Variants in CNTN5 observed in about 807,000 individuals in gnomAD.
The protein encoded by CNTN5 is contactin 5.
A neutral mutation model predicts 129.1 loss-of-function variants in CNTN5; 77 were observed. That is an observed-to-expected ratio of 0.60 (90% CI 0.50 to 0.72). The LOEUF (loss-of-function observed/expected upper bound fraction) is 0.72, where lower values mean the gene tolerates loss of function less well. CNTN5 is among the 30% of genes least tolerant of loss of function. The probability of loss-of-function intolerance (pLI) is 0.00; values close to 1 mark genes in which losing one functional copy is unlikely to be tolerated. For synonymous variants in CNTN5, 509 were observed against 465.6 expected, an observed-to-expected ratio of 1.09 and a Z score of -1.20; for missense variants, 1,478 against 1,328.8, an observed-to-expected ratio of 1.11 and a Z score of -1.75.
At chr11:99,486,381 C>A (rs1438405429) in intron 2 of CNTN5, among the ~76,000 whole-genome samples, 2 of 152,024 alleles carry the variant, frequency 1.3e-5, no homozygotes, top group Admixed American at 1.3e-4. Context: ...TGTTTATTCC[C>A]TAAATCTTTG....
At chr11:99,310,849 G>A (rs1222509420) in intron 1 of CNTN5, among the ~76,000 whole-genome samples, 3 of 152,006 alleles carry the variant, frequency 2.0e-5, no homozygotes, top group Non-Finnish European at 2.9e-5. Flanking sequence ...TTGAATTATG[G>A]CAAATATTTT....
chr11:100,045,321 C>T (rs1418937283), intron 9 of CNTN5, among the ~76,000 whole-genome samples: 1 of 151,860 alleles, frequency 6.6e-6, no homozygotes, highest in Admixed American at 6.6e-5. Context: ...CTTTAGTCAC[C>T]ATGGTTTAAG....
At chr11:99,589,173 A>G (rs79406221) in intron 3 of CNTN5, among the ~76,000 whole-genome samples, 12,954 of 152,244 alleles carry the variant, frequency 0.085, 730 homozygotes, top group Non-Finnish European at 0.13. Context: ...TTTAAAATCA[A>G]TATCTTCTTT....
chr11:99,301,620 C>T (rs1864642224), intron 1 of CNTN5, among the ~76,000 whole-genome samples: 1 of 151,688 alleles, frequency 6.6e-6, no homozygotes, highest in African/African-American at 2.4e-5. Flanking sequence ...TGAAAGAAAA[C>T]ATAGACAATG....
chr11:99,676,250 T>G (rs924335981), intron 3 of CNTN5, among the ~76,000 whole-genome samples: 1 of 152,206 alleles, frequency 6.6e-6, no homozygotes, highest in African/African-American at 2.4e-5. Flanking sequence ...TCTTAAAGAT[T>G]TAATATATGA....
At chr11:100,300,477 C>T (rs1392291013) in intron 20 of CNTN5, among the ~76,000 whole-genome samples, 1 of 151,508 alleles carries the variant, frequency 6.6e-6, no homozygotes, top group African/African-American at 2.4e-5. Context: ...TAAATATAAA[C>T]TAACCCTTAT....
chr11:100,032,570 T>C (rs1291061911), intron 9 of CNTN5, among the ~76,000 whole-genome samples: 2 of 152,060 alleles, frequency 1.3e-5, no homozygotes, highest in African/African-American at 4.8e-5. Flanking sequence ...TGTCAATGTT[T>C]TCTGGCCAGA....
chr11:99,243,510 G>T (rs1861665777), intron 1 of CNTN5, among the ~76,000 whole-genome samples: 1 of 151,952 alleles, frequency 6.6e-6, no homozygotes, highest in South Asian at 2.1e-4. Flanking sequence ...AGTTGCTCTT[G>T]GGACTGAGCC....
At chr11:99,729,857 A>G (rs767302362) in intron 3 of CNTN5, among the ~76,000 whole-genome samples, 1 of 152,170 alleles carries the variant, frequency 6.6e-6, no homozygotes, top group Non-Finnish European at 1.5e-5. Context: ...ATGAGAACAC[A>G]TGGACACGGG....
intron 1 of CNTN5, among the ~76,000 whole-genome samples, chr11:99,251,370 A>C (rs1862095353): frequency 6.6e-6 from 1 of 151,898 alleles, no homozygotes; most frequent in Admixed American, 6.6e-5. Context: ...GTGTGTGTTG[A>C]GGGAGACAAG....
intron 3 of CNTN5, among the ~76,000 whole-genome samples, chr11:99,804,372 G>A (rs182817455): frequency 1.4e-4 from 21 of 151,866 alleles, no homozygotes; most frequent in Admixed American, 1.0e-3. Context: ...GTGATATTTA[G>A]GAATAGTGCA....
intron 2 of CNTN5, among the ~76,000 whole-genome samples, chr11:99,391,980 C>T (rs1189324531): frequency 1.3e-5 from 2 of 151,756 alleles, no homozygotes; most frequent in African/African-American, 4.8e-5. Context: ...AAGAAAATGT[C>T]ATGTAAAGTA....
At chr11:99,816,088 A>G (rs753293250) in intron 3 of CNTN5, among the ~76,000 whole-genome samples, 2 of 152,156 alleles carry the variant, frequency 1.3e-5, no homozygotes, top group African/African-American at 4.8e-5. Flanking sequence ...TTAATAGACT[A>G]TAGCTAGAGA....
intron 3 of CNTN5, among the ~76,000 whole-genome samples, chr11:99,754,486 T>C (rs1453296316): frequency 6.6e-6 from 1 of 152,214 alleles, no homozygotes; most frequent in Non-Finnish European, 1.5e-5. Context: ...AGGGTTCAAC[T>C]TGTACTCCTA....
At chr11:100,116,217 G>A (rs114415379) in intron 13 of CNTN5, among the ~76,000 whole-genome samples, 3 of 152,098 alleles carry the variant, frequency 2.0e-5, no homozygotes, top group African/African-American at 4.8e-5. Flanking sequence ...TGACTGCTGG[G>A]TCAGTAGAAT....
At chr11:99,063,534 A>G (rs138181132) in intron 1 of CNTN5, among the ~76,000 whole-genome samples, 22 of 138,996 alleles carry the variant, frequency 1.6e-4, no homozygotes, top group South Asian at 2.4e-4. Flanking sequence ...ATAAATAAAT[A>G]AATAAATAAA....
At chr11:99,766,038 A>G (rs998654052) in intron 3 of CNTN5, among the ~76,000 whole-genome samples, 5 of 152,036 alleles carry the variant, frequency 3.3e-5, no homozygotes, top group Non-Finnish European at 7.4e-5. Flanking sequence ...GAGAACATGA[A>G]TATTTTCTCT....
At position 99,548,499 on chromosome 11, in the gene CNTN5, G is replaced by C. The variant is rs374515519; in HGVS notation, c.-70-7646G>C. Among the ~76,000 whole-genome samples the C allele has an allele frequency of 1.1e-4, 16 of 152,280 alleles. No individual in the cohort carries two copies. In the East Asian group the frequency reaches 2.1e-3, roughly 20 times the overall value. ...GTCCATAATTGTATAGCCAATCGCT[G>C]GTTGAATGTTTGTGATTGGCTGAGA... On this transcript the variant is annotated intron_variant, in intron 2 of 24. Transcript: ENST00000524871.
At chr11:99,083,393 G>A (rs1358606780) in intron 1 of CNTN5, among the ~76,000 whole-genome samples, 4 of 152,152 alleles carry the variant, frequency 2.6e-5, no homozygotes, top group African/African-American at 9.7e-5. Flanking sequence ...TTGGTATCAG[G>A]TGGCACTTCA....
Sources: allele counts gnomAD v4.1 joint callset (sites outside exome capture counted in the v4.1 genomes callset), GRCh38; gene constraint gnomAD v4.1.1; transcripts MANE v1.5; gene names NCBI Gene and HGNC (gene_info 2026-07-23, HGNC 2026-07-21).